The following NFIX variants were observed in gnomAD, a reference collection of about 807,000 sequenced individuals.
NFIX encodes the protein nuclear factor I X.
A neutral mutation model predicts 53.3 loss-of-function variants in NFIX; 2 were observed. That is an observed-to-expected ratio of 0.04 (90% confidence interval 0.02 to 0.12). NFIX has a LOEUF of 0.12. Ranked by LOEUF, NFIX falls within the 10% of genes least tolerant of loss-of-function variation. NFIX has a pLI of 1.00. For synonymous variants in NFIX, 244 were observed against 289.0 expected, an observed-to-expected ratio of 0.84 and a Z score of 1.58; for missense variants, 310 against 674.5, an observed-to-expected ratio of 0.46 and a Z score of 5.99.
rs1168683366 is a variant in NFIX, at chr19:13,012,777, T to C, written c.28-12244T>C. ...AACTGCCCCCAAATCCGAGGACAGC[T>C]TGGGGGCGTCCCTTCGGAGAGGATC... On this transcript the variant is annotated intron_variant, in intron 1 of 10. Coordinates refer to ENST00000592199, the MANE Select transcript of NFIX (RefSeq NM_001365902.3). The surrounding 1 kb of genome is among the most constrained non-coding windows in gnomAD (Gnocchi z 5.0). Among the ~76,000 whole-genome samples the C allele has an allele frequency of 6.6e-6, 1 of 152,176 alleles. No individual in the cohort carries two copies. Among genetic ancestry groups the C allele is most frequent in the Non-Finnish European group, 1.5e-5 (1 of 68,034 alleles).
rs762030929 is a variant in NFIX, at chr19:13,073,657, T to C, written c.697+161T>C. The stretch of plus-strand genomic sequence containing the variant: ...TGGTGCTGGGCTGGGTACAATAGAG[T>C]CTTCCAGAGAGGCCTGTCTCCAGTC... On this transcript the variant is annotated intron_variant, in intron 4 of 10. Transcript: ENST00000592199. The surrounding 1 kb of genome is among the most constrained non-coding windows in gnomAD (Gnocchi z 4.5). Among the ~76,000 whole-genome samples, 10 of 151,758 alleles carry C rather than the reference T, an allele frequency of 6.6e-5. No individual in the cohort carries two copies. Among genetic ancestry groups the C allele is most frequent in the African/African-American group, 9.7e-5 (4 of 41,246 alleles).
chr19:13,092,875 C>T (rs972637127), intron 10 of NFIX, among the ~76,000 whole-genome samples: 1 of 152,246 alleles, frequency 6.6e-6, no homozygotes, highest in African/African-American at 2.4e-5. Context: ...CCCAATGAGC[C>T]TCTGTTTGGC....
Position 13,089,243 on chromosome 19 carries a change from G to C in NFIX, c.1403-1056G>C, listed in dbSNP as rs745789332. On this transcript the variant is annotated intron_variant, in intron 9 of 10. Transcript: ENST00000592199. This position sits in a 1 kb window ranked among gnomAD's most constrained non-coding sequence, Gnocchi z 4.8. ...TCGGGGGCCACTTCTGGAGAGAGGT[G>C]GGCAGAATCTGGTGAGCATGGAGTC... 6.6e-6 allele frequency among the ~76,000 whole-genome samples: 1 copy of C among 152,172 alleles called. No homozygotes were observed. Among genetic ancestry groups the C allele is most frequent in the African/African-American group, 2.4e-5 (1 of 41,428 alleles).
chr19:13,064,028 G>A (rs957762225), intron 2 of NFIX, among the ~76,000 whole-genome samples: 6 of 152,126 alleles, frequency 3.9e-5, no homozygotes, highest in Admixed American at 6.5e-5. Context: ...TAGAGAAAGC[G>A]GGTGGGGGTG....
In NFIX at chr19:13,066,866, C is replaced by G. The variant is rs979629590; in HGVS notation, c.560-6181C>G. On this transcript the variant is annotated intron_variant, in intron 2 of 10. Transcript: ENST00000592199. This position sits in a 1 kb window ranked among gnomAD's most constrained non-coding sequence, Gnocchi z 4.2. Reference sequence around the variant, plus strand: ...CCCAGACCCTGGCCAAGCCTCATCCCCCGGCCCTCTGGCTGCCCTGCATTC... The same window carrying G: ...CCCAGACCCTGGCCAAGCCTCATCCGCCGGCCCTCTGGCTGCCCTGCATTC... Among the ~76,000 whole-genome samples the G allele has an allele frequency of 1.5e-4, 23 of 152,228 alleles. No homozygotes were observed. Among genetic ancestry groups the G allele is most frequent in the African/African-American group, 5.5e-4 (23 of 41,548 alleles).
chr19:13,083,011 GCCAGT>G (rs1432646322), intron 8 of NFIX, among the ~76,000 whole-genome samples: 1 of 152,196 alleles, frequency 6.6e-6, no homozygotes, highest in Non-Finnish European at 1.5e-5. Flanking sequence ...CCTAAGGGAA[GCCAGT>G]CCTCTTCCCT....
intron 1 of NFIX, among the ~76,000 whole-genome samples, chr19:13,020,000 C>T (rs887140965): frequency 1.1e-4 from 16 of 151,552 alleles, no homozygotes; most frequent in African/African-American, 3.6e-4. Flanking sequence ...TTCCCATGTC[C>T]TTCTACTCTG....
intron 1 of NFIX, among the ~76,000 whole-genome samples, chr19:13,008,291 C>T (rs2012137773): frequency 1.3e-5 from 2 of 152,174 alleles, no homozygotes; most frequent in East Asian, 1.9e-4. Flanking sequence ...TTCAGCCCAG[C>T]CTGGGTTTTT....
In NFIX at chr19:13,094,393, G is replaced by T. The variant is rs1205264501; in HGVS notation, c.1495-242G>T. ...CACCCGCTGGGCACAGTGCCCACGGGAAGGCCAGCTGGACTCTAGCACTAG... is the reference window on the plus strand; with the variant it reads ...CACCCGCTGGGCACAGTGCCCACGGTAAGGCCAGCTGGACTCTAGCACTAG... On this transcript the variant is annotated intron_variant, in intron 10 of 10. Transcript: ENST00000592199. The surrounding 1 kb of genome is among the most constrained non-coding windows in gnomAD (Gnocchi z 4.3). Among the ~76,000 whole-genome samples the T allele has an allele frequency of 6.6e-6, 1 of 152,244 alleles. No individual in the cohort carries two copies. Among genetic ancestry groups the T allele is most frequent in the South Asian group, 2.1e-4 (1 of 4,832 alleles).
chr19:13,082,163 C>A (rs1007892775), intron 8 of NFIX: 6 of 373,882 alleles, frequency 1.6e-5, no homozygotes, highest in African/African-American at 1.0e-4. Flanking sequence ...ATGATCCAAC[C>A]CGGATCTGGG....
intron 5 of NFIX, among the ~76,000 whole-genome samples, chr19:13,074,296 G>C (rs2016940069): frequency 6.6e-6 from 1 of 152,194 alleles, no homozygotes; most frequent in Non-Finnish European, 1.5e-5. Flanking sequence ...GAAGGTCTCT[G>C]TCTTGGGGAG....
At chr19:13,064,508 G>T (rs2016284960) in intron 2 of NFIX, among the ~76,000 whole-genome samples, 2 of 152,334 alleles carry the variant, frequency 1.3e-5, no homozygotes, top group South Asian at 4.1e-4. Flanking sequence ...CCGTTGGATG[G>T]CTATTGCACA....
chr19:13,055,792 C>G (rs1195491945), intron 2 of NFIX, among the ~76,000 whole-genome samples: 1 of 152,162 alleles, frequency 6.6e-6, no homozygotes, highest in Non-Finnish European at 1.5e-5. Context: ...GTCTAGGATC[C>G]TCTCTCTCTG....
rs573713453 is a variant in NFIX, at chr19:13,002,414, C to A, written c.27+6550C>A. Among the ~76,000 whole-genome samples, 1 of 152,278 alleles carries A rather than the reference C, an allele frequency of 6.6e-6. No individual in the cohort carries two copies. Among genetic ancestry groups the A allele is most frequent in the Non-Finnish European group, 1.5e-5 (1 of 68,000 alleles). On this transcript the variant is annotated intron_variant, in intron 1 of 10. Coordinates refer to ENST00000592199, the MANE Select transcript of NFIX (RefSeq NM_001365902.3). The surrounding 1 kb of genome is among the most constrained non-coding windows in gnomAD (Gnocchi z 6.1). ...ACCTCCCCCCTCCCGAGGAGCCCCT[C>A]TGAGGGCGGGAGTGGCCTCGTGCAG...
chr19:13,009,741 C>T lies in NFIX; in HGVS notation c.27+13877C>T, dbSNP rs1417608461. On this transcript the variant is annotated intron_variant, in intron 1 of 10. Coordinates refer to ENST00000592199, the MANE Select transcript of NFIX (RefSeq NM_001365902.3). The surrounding 1 kb of genome is among the most constrained non-coding windows in gnomAD (Gnocchi z 4.7). ...GGGGTACTGATGGGCACTGAAAAAC[C>T]GATGGGCAGTGAGGGCTATCAGAGG... 6.6e-6 allele frequency among the ~76,000 whole-genome samples: 1 copy of T among 152,194 alleles called. No individual in the cohort carries two copies. The highest frequency in any genetic ancestry group is 6.5e-5 in the Admixed American group (1 of 15,276).
intron 2 of NFIX, among the ~76,000 whole-genome samples, chr19:13,039,244 A>G (rs1049982185): frequency 7.2e-6 from 1 of 139,386 alleles, no homozygotes; most frequent in Non-Finnish European, 1.5e-5. Context: ...ACACACATAC[A>G]CGTGTGTGTG....
In NFIX at chr19:13,072,994, G is replaced by A. The variant is rs2145430416; in HGVS notation, c.560-53G>A. The A allele has an allele frequency of 1.3e-6, 2 of 1,563,872 alleles. No individual in the cohort carries two copies. Among genetic ancestry groups the A allele is most frequent in the East Asian group, 2.2e-5 (1 of 44,614 alleles). ...CTGGAGGGGCCAATGCTTGGCTGGTGCTTATGGGGAACTTTGCTCCTGATA... is the reference window on the plus strand; with the variant it reads ...CTGGAGGGGCCAATGCTTGGCTGGTACTTATGGGGAACTTTGCTCCTGATA... On this transcript the variant is annotated intron_variant, in intron 2 of 10. Coordinates refer to ENST00000592199, the MANE Select transcript of NFIX (RefSeq NM_001365902.3). This position sits in a 1 kb window ranked among gnomAD's most constrained non-coding sequence, Gnocchi z 4.0.
chr19:13,078,564 C>T lies in NFIX; in HGVS notation c.956-49C>T, dbSNP rs1323263835. On this transcript the variant is annotated intron_variant, in intron 6 of 10. Coordinates refer to ENST00000592199, the MANE Select transcript of NFIX (RefSeq NM_001365902.3). The surrounding 1 kb of genome is among the most constrained non-coding windows in gnomAD (Gnocchi z 4.7). ...GCTGGCTTCCCGCCTTCCCCGCACC[C>T]ACCCCAGCCCAGCTAAACCTGCCCT... The T allele has an allele frequency of 2.6e-6, 4 of 1,562,072 alleles. No individual in the cohort carries two copies.
At chr19:13,070,349 C>G (rs1051951434) in intron 2 of NFIX, 1 of 152,412 alleles carries the variant, frequency 6.6e-6, no homozygotes, top group African/African-American at 2.4e-5. Context: ...AGTTAAGGCC[C>G]TGGCTAGAGA....
Sources: gnomAD v4.1 joint callset for allele counts (sites outside exome capture counted in the v4.1 genomes callset) on GRCh38, gnomAD v4.1.1 for gene constraint, Gnocchi (gnomAD v3.1) non-coding constraint, MANE v1.5 for transcripts, NCBI Gene and HGNC (gene_info 2026-07-23, HGNC 2026-07-21) for gene names.